Variants in SLC6A15 observed in about 807,000 individuals in gnomAD.
SLC6A15 encodes solute carrier family 6 member 15.
Under a neutral mutation model 68.5 loss-of-function variants are expected in SLC6A15, and 33 were observed. The ratio of observed to expected loss-of-function variants is 0.48; its 90% confidence interval spans 0.37 to 0.64. SLC6A15 has a LOEUF of 0.64. Among genes scored for constraint, SLC6A15 ranks in the 30% least tolerant of loss-of-function variants. The pLI, the probability that SLC6A15 is intolerant of heterozygous loss-of-function variation, is 0.00. For missense variants in SLC6A15, 747 were observed against 874.3 expected (o/e 0.85, Z 1.84); for synonymous variants, 347 against 301.0 (o/e 1.15, Z -1.58).
At chr12:84,909,053 T>C (rs984155176) in intron 1 of SLC6A15, among the ~76,000 whole-genome samples, 7 of 152,136 alleles carry the variant, frequency 4.6e-5, no homozygotes, top group African/African-American at 1.2e-4. Flanking sequence ...CTGGAACAGC[T>C]TGATCAAAAG....
In SLC6A15 at chr12:84,861,600, A is replaced by G. The variant is rs1171641908; in HGVS notation, c.*32T>C. The stretch of plus-strand genomic sequence containing the variant: ...GGGCCAATGTTCATTGGTAAAAATG[A>G]ACCAAATAAAACCCACTGACTTTTC... On this transcript the variant is annotated 3_prime_UTR_variant, in exon 12 of 12. Transcript: ENST00000266682. 2.6e-6 allele frequency: 4 copies of G among 1,553,804 alleles called. No individual in the cohort carries two copies. Among genetic ancestry groups the G allele is most frequent in the Non-Finnish European group, 3.5e-6 (4 of 1,148,362 alleles).
chr12:84,875,942 A>G (rs1871516061), intron 6 of SLC6A15, among the ~76,000 whole-genome samples: 1 of 151,514 alleles, frequency 6.6e-6, no homozygotes, highest in African/African-American at 2.4e-5. Flanking sequence ...AAGCTACAAA[A>G]CTACAAAACC....
chr12:84,876,607 T>G lies in SLC6A15; in HGVS notation c.757A>C (p.Ile253Leu), dbSNP rs758147261. 1 of 1,433,516 alleles carries G rather than the reference T, an allele frequency of 7.0e-7. No homozygotes were observed. Among genetic ancestry groups the G allele is most frequent in the South Asian group, 1.3e-5 (1 of 78,330 alleles). The allele number at this position is 1,433,516 out of a possible 1,614,324, so 88.8% of individuals were successfully genotyped here. The change falls in exon 6 of 12, where the codon ATC becomes CTC. Residue 253 changes from isoleucine (I) to leucine (L), a missense_variant and splice_region_variant. Transcript: ENST00000266682. ...GGAAACAGAGAACTAAAATATATGA[T>G]CTGCAAAGAAATAAAAATAAAAATA... ...MIKGIQSSGKIIYFSSLFPYV... is the reference protein window; with the variant it reads ...MIKGIQSSGKLIYFSSLFPYV...
In SLC6A15 at chr12:84,891,907, G is replaced by A. The variant is rs531698919; in HGVS notation, c.214C>T (p.Leu72=). 30 of 1,613,986 alleles carry A rather than the reference G, an allele frequency of 1.9e-5. No individual in the cohort carries two copies. In the South Asian group the frequency reaches 2.2e-4, roughly 12 times the overall value. Residue 72 remains leucine, a synonymous_variant, in exon 2 of 12, where the codon CTG becomes TTG. Transcript: ENST00000266682. ...PAWNSKLQYI[L]AQVGFSVGLG... ...CCTACAGAAAATCCAACTTGGGCCA[G>A]GATGTATTGTAGTTTACTGTTCCAA...
chr12:84,866,512 C>T (rs1871072331), intron 10 of SLC6A15, among the ~76,000 whole-genome samples: 1 of 152,066 alleles, frequency 6.6e-6, no homozygotes, highest in Non-Finnish European at 1.5e-5. Context: ...TATCATTTCC[C>T]AATATTGTCC....
At chr12:84,862,149 A>T (rs1270691779) in intron 11 of SLC6A15, 143 bp from the exon 12 acceptor site, 8 of 756,012 alleles carry the variant, frequency 1.1e-5, no homozygotes, top group African/African-American at 1.8e-5. Flanking sequence ...AGTAGAAGTG[A>T]CACTCAGCAA....
In SLC6A15 at chr12:84,859,693, A is replaced by G. The variant is rs950813470; in HGVS notation, c.*1939T>C. The G allele has an allele frequency of 2.6e-5, 4 of 152,184 alleles. No individual in the cohort carries two copies. Among genetic ancestry groups the G allele is most frequent in the South Asian group, 2.1e-4 (1 of 4,830 alleles). 9.4% of individuals were successfully genotyped at this position (152,184 alleles called of 1,614,324 possible). On this transcript the variant is annotated 3_prime_UTR_variant, in exon 12 of 12. Transcript: ENST00000266682. ...TAAGTATTAAAGATTAGGGTACCATATAAAAATATTGCCTCAACACAAAAA... is the reference window on the plus strand; with the variant it reads ...TAAGTATTAAAGATTAGGGTACCATGTAAAAATATTGCCTCAACACAAAAA...
At chr12:84,875,673 TATATATATATATATATATATATATATG>T (rs1450728441) in intron 6 of SLC6A15, among the ~76,000 whole-genome samples, 194 of 388 alleles carry the variant, frequency 0.5, 31 homozygotes, top group South Asian at 0.62. Flanking sequence ...TATATATATA[TATATATATATATATATATATATATATG>T]AGAATCAAAA....
intron 2 of SLC6A15, among the ~76,000 whole-genome samples, chr12:84,887,067 G>A (rs1872143957): frequency 6.6e-5 from 10 of 152,058 alleles, no homozygotes; most frequent in Admixed American, 6.6e-4. Flanking sequence ...CTCAGCCTGT[G>A]GAGGTCGTTC....
chr12:84,861,820 A>C lies in SLC6A15; in HGVS notation c.2005T>G (p.Leu669Val). The change falls in exon 12 of 12, where the codon TTA becomes GTA. Residue 669 changes from leucine to valine, a missense_variant. Leu to Val is a conservative substitution (Grantham distance 32). Transcript: ENST00000266682. The part of the protein sequence containing the change: ...RGRVLKEPVN[L>V]EGDDTSLIHG... The stretch of plus-strand genomic sequence containing the variant: ...ATGAGGCTTGTATCATCGCCCTCTA[A>C]GTTCACAGGCTCTTTCAGGACCCTT... The C allele has an allele frequency of 6.2e-7, 1 of 1,613,902 alleles. No homozygotes were observed.
Position 84,888,262 on chromosome 12 carries a change from GAA to G in SLC6A15, c.290-2196_290-2195del, listed in dbSNP as rs35670280. 1.0e-4 allele frequency among the ~76,000 whole-genome samples: 11 copies of G among 109,412 alleles called. 1 individual carries two copies. Among genetic ancestry groups the G allele is most frequent in the African/African-American group, 1.3e-4 (4 of 29,876 alleles). 71.8% of individuals were successfully genotyped at this position (109,412 alleles called of 152,430 possible). On this transcript the variant is annotated intron_variant, in intron 2 of 11. Coordinates refer to ENST00000266682, the MANE Select transcript of SLC6A15 (RefSeq NM_182767.6). Reference sequence around the variant, plus strand: ...CTCGGTGACAGAGTGAGACCTTGTCGAAAAAAAAAAAAAAGCCAAAAACAAAA... The same window carrying G: ...CTCGGTGACAGAGTGAGACCTTGTCGAAAAAAAAAAAAGCCAAAAACAAAA...
intron 5 of SLC6A15, among the ~76,000 whole-genome samples, chr12:84,880,133 T>C (rs955333052): frequency 2.0e-5 from 3 of 152,008 alleles, no homozygotes; most frequent in African/African-American, 7.2e-5. Context: ...TGGAGAAAAA[T>C]AAGTCAATAT....
At chr12:84,878,099 T>A (rs952487463) in intron 5 of SLC6A15, among the ~76,000 whole-genome samples, 4 of 140,078 alleles carry the variant, frequency 2.9e-5, no homozygotes, top group African/African-American at 1.3e-4. Flanking sequence ...TAAGGGGCAC[T>A]CTCTAGTTTT....
At chr12:84,887,840 AG>A (rs1218712448) in intron 2 of SLC6A15, among the ~76,000 whole-genome samples, 1 of 152,066 alleles carries the variant, frequency 6.6e-6, no homozygotes, top group Non-Finnish European at 1.5e-5. Flanking sequence ...AACAGTATGA[AG>A]AACCCTTAAA....
chr12:84,880,431 C>G (rs1047834786), intron 5 of SLC6A15, among the ~76,000 whole-genome samples: 2 of 152,090 alleles, frequency 1.3e-5, no homozygotes, highest in Non-Finnish European at 2.9e-5. Flanking sequence ...TCTCTCCATG[C>G]GTTACGTCTT....
chr12:84,863,432 T>C lies in SLC6A15; in HGVS notation c.1818+7A>G. On this transcript the variant is annotated splice_region_variant and intron_variant, in intron 11 of 11. Coordinates refer to ENST00000266682, the MANE Select transcript of SLC6A15 (RefSeq NM_182767.6). ...TTAAAAATGTAATTCCCTTATTTTG[T>C]ATTTACCTTATCTTCAATCCATGCG... 1 of 1,552,116 alleles carries C rather than the reference T, an allele frequency of 6.4e-7. No homozygotes were observed.
intron 1 of SLC6A15, among the ~76,000 whole-genome samples, chr12:84,908,900 T>C (rs530884459): frequency 6.6e-6 from 1 of 152,050 alleles, no homozygotes; most frequent in Non-Finnish European, 1.5e-5. Flanking sequence ...ATGTAATAGC[T>C]TCATTTAAAA....
chr12:84,882,579 T>C (rs535719419), intron 5 of SLC6A15: 31 of 531,052 alleles, frequency 5.8e-5, no homozygotes, highest in African/African-American at 4.9e-4. Context: ...AGTTGACTAA[T>C]TGGTGGGACT....
chr12:84,900,735 T>C (rs997441276), intron 1 of SLC6A15, among the ~76,000 whole-genome samples: 5 of 151,676 alleles, frequency 3.3e-5, no homozygotes, highest in African/African-American at 7.2e-5. Flanking sequence ...ATATGGAGTA[T>C]CACATTCGTT....
Sources: allele counts gnomAD v4.1 joint callset (sites outside exome capture counted in the v4.1 genomes callset), GRCh38; gene constraint gnomAD v4.1.1; transcripts MANE v1.5; gene names NCBI Gene and HGNC (gene_info 2026-07-23, HGNC 2026-07-21).